The following CPPED1 variants were observed in gnomAD, a reference collection of about 807,000 sequenced individuals.
CPPED1 encodes serine/threonine-protein phosphatase CPPED1.
A neutral mutation model predicts 28.0 loss-of-function variants in CPPED1; 28 were observed. That is an observed-to-expected ratio of 1.00 (90% CI 0.74 to 1.37). CPPED1 has a LOEUF of 1.37. Ranked by LOEUF, CPPED1 falls within the 40% of genes most tolerant of loss-of-function variation. The probability of loss-of-function intolerance (pLI) is 0.00; values close to 1 mark genes in which losing one functional copy is unlikely to be tolerated. For synonymous variants in CPPED1, 198 were observed against 180.2 expected (o/e 1.10, Z -0.79); for missense variants, 504 against 416.5 (o/e 1.21, Z -1.83).
At chr16:12,696,250 T>A (rs991173741) in intron 3 of CPPED1, among the ~76,000 whole-genome samples, 1 of 152,140 alleles carries the variant, frequency 6.6e-6, no homozygotes, top group Non-Finnish European at 1.5e-5. Context: ...CCGCCTGTCC[T>A]GGAGATTCTC....
intron 2 of CPPED1, among the ~76,000 whole-genome samples, chr16:12,749,501 C>A (rs2080313290): frequency 6.6e-6 from 1 of 152,188 alleles, no homozygotes; most frequent in African/African-American, 2.4e-5. Context: ...AGTCTTAAAC[C>A]CTTCGAAGTC....
chr16:12,764,735 T>C (rs1395852288), intron 2 of CPPED1, among the ~76,000 whole-genome samples: 3 of 152,166 alleles, frequency 2.0e-5, no homozygotes, highest in African/African-American at 7.2e-5. Context: ...CCTCCCACCC[T>C]CTTGGGTATC....
rs1374045982 is a variant in CPPED1, at chr16:12,682,713, A to G, written c.716-17598T>C. Among the ~76,000 whole-genome samples the G allele has an allele frequency of 1.3e-5, 2 of 152,252 alleles. No homozygotes were observed. Among genetic ancestry groups the G allele is most frequent in the African/African-American group, 4.8e-5 (2 of 41,466 alleles). ...GTCTTGTACTCAGGCAGCACTCAAT[A>G]ATTATACTTTCCTCTCATCCTTCTC... On this transcript the variant is annotated intron_variant, in intron 3 of 3. Transcript: ENST00000381774. This position sits in a 1 kb window ranked among gnomAD's most constrained non-coding sequence, Gnocchi z 6.1.
intron 1 of CPPED1, among the ~76,000 whole-genome samples, chr16:12,782,514 G>C (rs373774817): frequency 6.0e-5 from 9 of 150,746 alleles, no homozygotes; most frequent in African/African-American, 2.2e-4. Flanking sequence ...GCGCTTAGTG[G>C]TGGGACAGAG....
At chr16:12,736,696 G>C (rs1024806649) in intron 2 of CPPED1, among the ~76,000 whole-genome samples, 3 of 152,168 alleles carry the variant, frequency 2.0e-5, no homozygotes. Flanking sequence ...CAGAATGCTA[G>C]GCAATCTAAA....
intron 2 of CPPED1, among the ~76,000 whole-genome samples, chr16:12,746,826 G>A (rs923638575): frequency 6.6e-6 from 1 of 152,122 alleles, no homozygotes; most frequent in Non-Finnish European, 1.5e-5. Context: ...ATCGCTTGCA[G>A]GTGGACTGTG....
intron 2 of CPPED1, among the ~76,000 whole-genome samples, chr16:12,741,080 G>C (rs2080252776): frequency 6.6e-6 from 1 of 152,112 alleles, no homozygotes; most frequent in South Asian, 2.1e-4. Flanking sequence ...CAGGAAAACT[G>C]CCCGACATAG....
intron 2 of CPPED1, among the ~76,000 whole-genome samples, chr16:12,713,715 T>C (rs1011203358): frequency 2.6e-5 from 4 of 152,190 alleles, no homozygotes; most frequent in African/African-American, 9.7e-5. Context: ...CTCAATTTTT[T>C]TTTCATTATT....
chr16:12,794,204 G>C (rs1460425162), intron 1 of CPPED1, among the ~76,000 whole-genome samples: 1 of 132,142 alleles, frequency 7.6e-6, no homozygotes, highest in Non-Finnish European at 1.5e-5. Context: ...GGGGGTCTTT[G>C]GGGGCAGTTT....
intron 2 of CPPED1, among the ~76,000 whole-genome samples, chr16:12,705,518 G>C (rs1040298072): frequency 1.3e-5 from 2 of 152,166 alleles, no homozygotes; most frequent in African/African-American, 2.4e-5. Context: ...AGCACTTAGG[G>C]AGGCCGAGGC....
At position 12,705,008 on chromosome 16, in the gene CPPED1, C is replaced by T; in HGVS notation, c.331G>A (p.Val111Met). ...ATGGCCCTGTCCACTGCCCTAAGCA[C>T]TCGCTTCAGGTCCTCCGTCTGCTCC... ...RTEQTEDLKR[V>M]LRAVDRAIPL... is the part of the protein sequence containing the mutation. Residue 111 changes from valine to methionine, a missense_variant, in exon 3 of 4, where the codon GTG becomes ATG. By Grantham distance (21) the Val-to-Met change is conservative. Transcript: ENST00000381774. 1.2e-6 allele frequency: 2 copies of T among 1,613,994 alleles called. No homozygotes were observed. Among genetic ancestry groups the T allele is most frequent in the South Asian group, 1.1e-5 (1 of 91,074 alleles).
intron 1 of CPPED1, among the ~76,000 whole-genome samples, chr16:12,802,795 C>G (rs999760721): frequency 2.0e-5 from 3 of 152,182 alleles, no homozygotes; most frequent in Non-Finnish European, 4.4e-5. Context: ...GGCCTTGGCC[C>G]TTTTAAATGC....
intron 2 of CPPED1, chr16:12,780,942 T>C (rs960211527): frequency 1.9e-5 from 10 of 520,964 alleles, no homozygotes; most frequent in Non-Finnish European, 3.4e-5. Context: ...CCATTTTTCA[T>C]ATTAAGCTCA....
At chr16:12,740,632 G>A (rs2080250428) in intron 2 of CPPED1, among the ~76,000 whole-genome samples, 1 of 152,232 alleles carries the variant, frequency 6.6e-6, no homozygotes. Context: ...ACAAAGAAGG[G>A]AGTGCTTGGC....
At chr16:12,718,780 T>G (rs756503337) in intron 2 of CPPED1, among the ~76,000 whole-genome samples, 1 of 151,742 alleles carries the variant, frequency 6.6e-6, no homozygotes, top group Non-Finnish European at 1.5e-5. Context: ...CTGGCCAATA[T>G]GGTGAAACCC....
At chr16:12,707,430 G>T (rs974424114) in intron 2 of CPPED1, among the ~76,000 whole-genome samples, 9 of 152,182 alleles carry the variant, frequency 5.9e-5, no homozygotes, top group Admixed American at 4.6e-4. Context: ...TCAAGGTGCT[G>T]TCTACAGTGT....
intron 3 of CPPED1, among the ~76,000 whole-genome samples, chr16:12,702,722 C>G (rs113013466): frequency 0.032 from 4,845 of 152,078 alleles, 267 homozygotes; most frequent in African/African-American, 0.11. Flanking sequence ...ATCTGGCCAG[C>G]TGCGGTGGCT....
chr16:12,748,914 G>C (rs1293245977), intron 2 of CPPED1, among the ~76,000 whole-genome samples: 1 of 150,506 alleles, frequency 6.6e-6, no homozygotes, highest in Non-Finnish European at 1.5e-5. Flanking sequence ...ATAGCATTAT[G>C]TCTAAAAAAA....
chr16:12,722,967 C>T (rs1019764914), intron 2 of CPPED1, among the ~76,000 whole-genome samples: 1 of 152,048 alleles, frequency 6.6e-6, no homozygotes, highest in Non-Finnish European at 1.5e-5. Flanking sequence ...ATCGGGATAC[C>T]CACTTCTTGA....
Sources: gnomAD v4.1 joint callset for allele counts (sites outside exome capture counted in the v4.1 genomes callset) on GRCh38, gnomAD v4.1.1 for gene constraint, Gnocchi (gnomAD v3.1) non-coding constraint, MANE v1.5 for transcripts, NCBI Gene and HGNC (gene_info 2026-07-23, HGNC 2026-07-21) for gene names.